The following FDX1 variants were observed in gnomAD, a reference collection of about 807,000 sequenced individuals.
The protein encoded by FDX1 is adrenodoxin, mitochondrial.
FDX1 carries 9 observed loss-of-function variants against 14.9 expected under a neutral mutation model. The observed-to-expected ratio is 0.60, with a 90% confidence interval of 0.36 to 1.05. The LOEUF (loss-of-function observed/expected upper bound fraction) is 1.05. Ranked by LOEUF, FDX1 falls within the 50% of genes least tolerant of loss-of-function variation. The pLI, the probability that FDX1 is intolerant of heterozygous loss-of-function variation, is 0.01. For synonymous variants in FDX1, 92 were observed against 99.4 expected (o/e 0.93, Z 0.44); for missense variants, 204 against 237.2 (o/e 0.86, Z 0.92).
intron 3 of FDX1, 81 bp downstream of exon 3, chr11:110,457,128 C>A: frequency 1.6e-6 from 2 of 1,245,262 alleles, no homozygotes; most frequent in Non-Finnish European, 2.3e-6. Context: ...TAAGACCAGA[C>A]CCATAAATGT....
At chr11:110,454,846 A>G (rs1946511684) in intron 2 of FDX1, among the ~76,000 whole-genome samples, 1 of 152,204 alleles carries the variant, frequency 6.6e-6, no homozygotes, top group Non-Finnish European at 1.5e-5. Context: ...GTTAGTAAAA[A>G]GGAAAGCTGT....
intron 2 of FDX1, among the ~76,000 whole-genome samples, chr11:110,446,844 T>A (rs1432050380): frequency 6.6e-6 from 1 of 152,208 alleles, no homozygotes; most frequent in South Asian, 2.1e-4. Context: ...CCAGGTAATT[T>A]GTCCTAACAG....
In FDX1 at chr11:110,430,071, G is replaced by T; in HGVS notation, c.-50G>T. On this transcript the variant is annotated 5_prime_UTR_variant, in exon 1 of 4. Transcript: ENST00000260270. ...CCCCCGCCTCTTTGGAGTCTCTCGC[G>T]GCCTCAAAGCGCGGCCTGCGTCGCT... The T allele has an allele frequency of 1.7e-6, 2 of 1,188,970 alleles. No homozygotes were observed. The highest frequency in any genetic ancestry group is 2.1e-6 in the Non-Finnish European group (2 of 954,716). 73.7% of individuals were successfully genotyped at this position (1,188,970 alleles called of 1,614,324 possible).
rs758827792 is a variant in FDX1, at chr11:110,464,537, T to C, written c.*2069T>C. 1 of 152,182 alleles carries C rather than the reference T, an allele frequency of 6.6e-6. No individual in the cohort carries two copies. Among genetic ancestry groups the C allele is most frequent in the Non-Finnish European group, 1.5e-5 (1 of 68,036 alleles). 9.4% of individuals were successfully genotyped at this position (152,182 alleles called of 1,614,324 possible). A position where few individuals can be genotyped will look rare whatever the true frequency, so the allele number is the denominator to read the frequency against. ...ATTAATCCATTCATGAGGTCTCTGCTCTTAAAGGAGATCACCTCTTAAAGG... is the reference window on the plus strand; with the variant it reads ...ATTAATCCATTCATGAGGTCTCTGCCCTTAAAGGAGATCACCTCTTAAAGG... On this transcript the variant is annotated 3_prime_UTR_variant, in exon 4 of 4. Coordinates refer to ENST00000260270, the MANE Select transcript of FDX1 (RefSeq NM_004109.5).
chr11:110,444,529 T>C (rs1487246214), intron 2 of FDX1, among the ~76,000 whole-genome samples: 2 of 150,418 alleles, frequency 1.3e-5, no homozygotes, highest in Admixed American at 6.6e-5. Flanking sequence ...GGCACCAGAA[T>C]CACTTGAATC....
rs1292151869 is a variant in FDX1 at position 110,463,867 on chromosome 11, G to GT, written c.*1400dup. On this transcript the variant is annotated 3_prime_UTR_variant, in exon 4 of 4. Coordinates refer to ENST00000260270, the MANE Select transcript of FDX1 (RefSeq NM_004109.5). ...AAAAAGTGATTAGGAAGAACTTGAA[G>GT]TATCATTTGATGCTTAATAACTATT... 4.6e-5 allele frequency: 7 copies of GT among 150,568 alleles called. No homozygotes were observed. In the East Asian group the frequency reaches 1.4e-3, roughly 29 times the overall value. 9.3% of individuals were successfully genotyped at this position (150,568 alleles called of 1,614,324 possible).
At chr11:110,456,776 T>G in intron 2 of FDX1, 142 bp from the exon 3 acceptor site, 11 of 772,958 alleles carry the variant, frequency 1.4e-5, no homozygotes, top group Non-Finnish European at 2.2e-5. Context: ...CCTAAAGTGC[T>G]GGGATTACAG....
chr11:110,459,950 T>G (rs1048855728), intron 3 of FDX1, among the ~76,000 whole-genome samples: 2 of 152,242 alleles, frequency 1.3e-5, no homozygotes, highest in Non-Finnish European at 2.9e-5. Context: ...ACCACACTTG[T>G]GGTACCCTGC....
chr11:110,452,191 C>T (rs77551978), intron 2 of FDX1, among the ~76,000 whole-genome samples: 2,709 of 151,886 alleles, frequency 0.018, 77 homozygotes, highest in African/African-American at 0.058. Context: ...TTAGACATGA[C>T]TGGAAAAGAA....
intron 2 of FDX1, among the ~76,000 whole-genome samples, chr11:110,447,188 A>C (rs1439503547): frequency 6.7e-6 from 1 of 149,884 alleles, no homozygotes; most frequent in Non-Finnish European, 1.5e-5. Context: ...AAAAAAAAAA[A>C]AAAAACCGAG....
rs1231160364 is a variant in FDX1, at chr11:110,463,726, C to T, written c.*1258C>T. 6.6e-6 allele frequency: 1 copy of T among 152,112 alleles called. No individual in the cohort carries two copies. Among genetic ancestry groups the T allele is most frequent in the Admixed American group, 6.6e-5 (1 of 15,260 alleles). 9.4% of individuals were successfully genotyped at this position (152,112 alleles called of 1,614,324 possible). On this transcript the variant is annotated 3_prime_UTR_variant, in exon 4 of 4. Transcript: ENST00000260270. ...CAGAGGTGAACAAGACAAGGAATGC[C>T]ATCAGGGAATTCACCTTTTATTAGG...
rs1683848243 is a variant in FDX1 at position 110,429,978 on chromosome 11, G to A, written c.-143G>A. On this transcript the variant is annotated 5_prime_UTR_variant, in exon 1 of 4. Transcript: ENST00000260270. ...GAACCTCGGCGCGGTGCTTCCAGCAGGGTCTCTCCGCCACTCCAGCCCCGC... is the reference window on the plus strand; with the variant it reads ...GAACCTCGGCGCGGTGCTTCCAGCAAGGTCTCTCCGCCACTCCAGCCCCGC... 2 of 463,040 alleles carry A rather than the reference G, an allele frequency of 4.3e-6. No homozygotes were observed. The highest frequency in any genetic ancestry group is 2.3e-4 in the South Asian group (2 of 8,840). The allele number at this position is 463,040 out of a possible 1,614,324, so 28.7% of individuals were successfully genotyped here.
At chr11:110,460,534 G>A (rs887162039) in intron 3 of FDX1, among the ~76,000 whole-genome samples, 10 of 152,196 alleles carry the variant, frequency 6.6e-5, no homozygotes, top group African/African-American at 2.4e-4. Context: ...AAAGCCCATT[G>A]TGGACAACAC....
intron 2 of FDX1, among the ~76,000 whole-genome samples, chr11:110,440,739 A>G (rs1280513991): frequency 6.6e-6 from 1 of 152,250 alleles, no homozygotes; most frequent in Non-Finnish European, 1.5e-5. Context: ...AAAAAAGGCT[A>G]AACAATCAGC....
chr11:110,462,338 C>CA lies in FDX1; in HGVS notation c.441-16_441-15insA. The CA allele has an allele frequency of 2.1e-6, 3 of 1,457,906 alleles. No individual in the cohort carries two copies. The highest frequency in any genetic ancestry group is 1.9e-6 in the Non-Finnish European group (2 of 1,039,210). The allele number at this position is 1,457,906 out of a possible 1,614,324, so 90.3% of individuals were successfully genotyped here. Reference sequence around the variant, plus strand: ...ATACGTAATACTAAACCATACCTTCCCCCTTTTCCATACAGATCACGGTTG... The same window carrying CA: ...ATACGTAATACTAAACCATACCTTCCACCCTTTTCCATACAGATCACGGTTG... On this transcript the variant is annotated splice_polypyrimidine_tract_variant and intron_variant, in intron 3 of 3. Transcript: ENST00000260270.
At chr11:110,447,513 A>G (rs1455974910) in intron 2 of FDX1, among the ~76,000 whole-genome samples, 1 of 152,128 alleles carries the variant, frequency 6.6e-6, no homozygotes, top group East Asian at 1.9e-4. Flanking sequence ...CTGTATTCCC[A>G]GCCGTAAAAG....
intron 1 of FDX1, among the ~76,000 whole-genome samples, chr11:110,431,677 C>T (rs1242859010): frequency 6.6e-6 from 1 of 152,148 alleles, no homozygotes; most frequent in Non-Finnish European, 1.5e-5. Context: ...ATTGAACATG[C>T]TTGTGTAACT....
intron 2 of FDX1, among the ~76,000 whole-genome samples, chr11:110,450,847 C>T (rs1317744078): frequency 6.6e-6 from 1 of 152,080 alleles, no homozygotes; most frequent in Non-Finnish European, 1.5e-5. Flanking sequence ...CATAGACATA[C>T]ACATTTTCCC....
At chr11:110,442,430 A>C (rs958363755) in intron 2 of FDX1, among the ~76,000 whole-genome samples, 2 of 152,226 alleles carry the variant, frequency 1.3e-5, no homozygotes, top group African/African-American at 4.8e-5. Flanking sequence ...GAGCTGCCCA[A>C]GACCATGGGA....
Sources: allele counts gnomAD v4.1 joint callset (sites outside exome capture counted in the v4.1 genomes callset), GRCh38; gene constraint gnomAD v4.1.1; transcripts MANE v1.5; gene names NCBI Gene and HGNC (gene_info 2026-07-23, HGNC 2026-07-21).